HPSE2: variants seen among roughly 807,000 people sequenced by gnomAD.
The protein encoded by HPSE2 is heparanase 2 (inactive).
HPSE2 carries 38 observed loss-of-function variants against 60.5 expected under a neutral mutation model. That is an observed-to-expected ratio of 0.63 (90% confidence interval 0.48 to 0.82). HPSE2 has a LOEUF of 0.82. HPSE2 is among the 40% of genes least tolerant of loss of function. The pLI, the probability that HPSE2 is intolerant of heterozygous loss-of-function variation, is 0.00. For missense variants in HPSE2, 713 were observed against 740.4 expected (o/e 0.96, Z 0.43); for synonymous variants, 295 against 293.2 (o/e 1.01, Z -0.06).
intron 3 of HPSE2, among the ~76,000 whole-genome samples, chr10:98,985,587 C>T (rs1348885683): frequency 3.9e-5 from 6 of 152,132 alleles, no homozygotes; most frequent in Admixed American, 6.5e-5. Flanking sequence ...CATCAACTAA[C>T]GAGCAAAATA....
Position 98,707,970 on chromosome 10 carries a change from T to C in HPSE2, c.956+13687A>G, listed in dbSNP as rs566214852. Among the ~76,000 whole-genome samples, 4 of 152,198 alleles carry C rather than the reference T, an allele frequency of 2.6e-5. No homozygotes were observed. The South Asian group carries it at 6.2e-4, about 24-fold the overall frequency. Reference sequence around the variant, plus strand: ...ATTCAAGATTTAGTAAGGAGATCTATGGAATAAAATTTAAAAAACTATATA... The same window carrying C: ...ATTCAAGATTTAGTAAGGAGATCTACGGAATAAAATTTAAAAAACTATATA... On this transcript the variant is annotated intron_variant, in intron 5 of 11. Transcript: ENST00000370552.
chr10:99,178,552 C>A (rs1847627860), intron 2 of HPSE2, among the ~76,000 whole-genome samples: 1 of 152,102 alleles, frequency 6.6e-6, no homozygotes, highest in Admixed American at 6.6e-5. Context: ...CACATACACC[C>A]TCCAAACATT....
At chr10:98,899,047 G>A (rs1564641352) in intron 3 of HPSE2, among the ~76,000 whole-genome samples, 1 of 152,110 alleles carries the variant, frequency 6.6e-6, no homozygotes, top group Non-Finnish European at 1.5e-5. Context: ...AAAACTACAG[G>A]AAAAACTTTG....
intron 5 of HPSE2, among the ~76,000 whole-genome samples, chr10:98,711,644 G>C (rs1308090915): frequency 6.6e-6 from 1 of 152,034 alleles, no homozygotes; most frequent in African/African-American, 2.4e-5. Context: ...ACAAGAAAAC[G>C]AGAAACAAAG....
chr10:99,050,280 CA>C (rs1172531175), intron 3 of HPSE2, among the ~76,000 whole-genome samples: 1 of 147,146 alleles, frequency 6.8e-6, no homozygotes, highest in African/African-American at 2.5e-5. Flanking sequence ...CAAGCCTAGA[CA>C]AAAGAGTGAG....
intron 3 of HPSE2, among the ~76,000 whole-genome samples, chr10:98,858,484 A>G (rs1398196865): frequency 6.6e-6 from 1 of 152,206 alleles, no homozygotes; most frequent in Non-Finnish European, 1.5e-5. Context: ...CATGGTTTTA[A>G]TGCCACAATT....
At chr10:99,051,098 C>A (rs983826541) in intron 3 of HPSE2, among the ~76,000 whole-genome samples, 7 of 151,994 alleles carry the variant, frequency 4.6e-5, no homozygotes, top group African/African-American at 1.5e-4. Context: ...TGGTGAAACC[C>A]CGTCTCTGCT....
the HPSE2 span, among the ~76,000 whole-genome samples, chr10:99,246,369 A>G: frequency 2.0e-5 from 3 of 152,240 alleles, no homozygotes; most frequent in African/African-American, 7.2e-5. Flanking sequence ...GGAAGAATGA[A>G]CAGGCTAACA....
At chr10:99,199,011 T>C (rs1379753983) in intron 2 of HPSE2, among the ~76,000 whole-genome samples, 1 of 152,198 alleles carries the variant, frequency 6.6e-6, no homozygotes, top group Non-Finnish European at 1.5e-5. Context: ...TTGTCACATA[T>C]GACAAAACTG....
intron 3 of HPSE2, among the ~76,000 whole-genome samples, chr10:99,139,550 AG>A (rs1395767097): frequency 6.6e-6 from 1 of 152,204 alleles, no homozygotes; most frequent in African/African-American, 2.4e-5. Flanking sequence ...AATCCCATCA[AG>A]TGTGCTTGAA....
chr10:98,579,457 A>G (rs1313691314), intron 9 of HPSE2, among the ~76,000 whole-genome samples: 3 of 152,188 alleles, frequency 2.0e-5, no homozygotes, highest in Non-Finnish European at 2.9e-5. Context: ...TACTGTGGTA[A>G]GCAAGTCACT....
intron 3 of HPSE2, among the ~76,000 whole-genome samples, chr10:98,964,971 C>A (rs534443851): frequency 6.6e-6 from 1 of 152,224 alleles, no homozygotes; most frequent in Non-Finnish European, 1.5e-5. Flanking sequence ...CCTTAGACTT[C>A]TTAATATTCA....
At chr10:98,879,886 T>TGTGTGA (rs1175998271) in intron 3 of HPSE2, among the ~76,000 whole-genome samples, 18 of 150,230 alleles carry the variant, frequency 1.2e-4, no homozygotes, top group African/African-American at 4.2e-4. Flanking sequence ...TGTGTGTGTG[T>TGTGTGA]GATGTGTTTC....
At chr10:98,695,677 T>C (rs549136304) in intron 5 of HPSE2, among the ~76,000 whole-genome samples, 26 of 152,268 alleles carry the variant, frequency 1.7e-4, no homozygotes, top group South Asian at 1.5e-3. Context: ...GCAGCAGTCA[T>C]TGGGAAGCAT....
intron 3 of HPSE2, among the ~76,000 whole-genome samples, chr10:98,818,385 T>G (rs1453709519): frequency 2.0e-5 from 3 of 152,198 alleles, no homozygotes; most frequent in African/African-American, 7.2e-5. Flanking sequence ...TATCCCTCGC[T>G]TGTGCAGTTC....
At chr10:99,290,555 A>G in the HPSE2 span, among the ~76,000 whole-genome samples, 5 of 152,146 alleles carry the variant, frequency 3.3e-5, no homozygotes, top group Non-Finnish European at 7.3e-5. Context: ...GTGGAGCGAA[A>G]AGCCTGAGGA....
intron 2 of HPSE2, among the ~76,000 whole-genome samples, chr10:99,179,361 T>G (rs555687319): frequency 4.1e-4 from 62 of 152,258 alleles, no homozygotes; most frequent in African/African-American, 1.5e-3. Flanking sequence ...GATTGTATAT[T>G]TAGAAAACCC....
chr10:99,042,120 G>A (rs1200551589), intron 3 of HPSE2, among the ~76,000 whole-genome samples: 1 of 151,622 alleles, frequency 6.6e-6, no homozygotes. Context: ...CAACTGGCAG[G>A]CCCTCTCCTA....
chr10:99,123,234 CAA>C (rs946929432), intron 3 of HPSE2, among the ~76,000 whole-genome samples: 15 of 152,142 alleles, frequency 9.9e-5, no homozygotes, highest in African/African-American at 3.6e-4. Context: ...TTTCTATTCA[CAA>C]AGAGCAATTA....
Sources: gnomAD v4.1 joint callset for allele counts (sites outside exome capture counted in the v4.1 genomes callset) on GRCh38, gnomAD v4.1.1 for gene constraint, MANE v1.5 for transcripts, NCBI Gene and HGNC (gene_info 2026-07-23, HGNC 2026-07-21) for gene names.